Variants in MPHOSPH8 observed in about 807,000 individuals in gnomAD.
MPHOSPH8 encodes M-phase phosphoprotein 8, also known as M-phase phosphoprotein, mpp.
Under a neutral mutation model 87.3 loss-of-function variants are expected in MPHOSPH8, and 45 were observed. That is an observed-to-expected ratio of 0.52 (90% CI 0.41 to 0.66). The LOEUF is 0.66. MPHOSPH8 is among the 30% of genes least tolerant of loss of function. The pLI is 0.00. For synonymous variants in MPHOSPH8, 366 were observed against 376.9 expected (o/e 0.97, Z 0.33); for missense variants, 883 against 1,020.2 (o/e 0.87, Z 1.83).
intron 10 of MPHOSPH8, 106 bp downstream of exon 10, chr13:19,666,685 C>G: frequency 1.0e-6 from 1 of 969,338 alleles, no homozygotes; most frequent in African/African-American, 1.6e-5. Flanking sequence ...AGAAAAACAT[C>G]CAGCACAAGT....
intron 1 of MPHOSPH8, among the ~76,000 whole-genome samples, chr13:19,638,599 ACT>A (rs1256058555): frequency 2.0e-5 from 3 of 148,922 alleles, no homozygotes; most frequent in Non-Finnish European, 3.0e-5. Flanking sequence ...ACAGAGCAAG[ACT>A]CTGTCTCAAA....
rs146475853 is a variant in MPHOSPH8 at position 19,670,414 on chromosome 13, G to C, written c.2457+51G>C. ...GAAAAGTACATTCTTCTAATCAAAA[G>C]CACAGATGACTTAATTTTAAATTCC... On this transcript the variant is annotated intron_variant, in intron 12 of 13. Transcript: ENST00000361479. 1.8e-3 allele frequency: 2,803 copies of C among 1,560,586 alleles called. 44 individuals carry two copies. In the African/African-American group the frequency reaches 0.033, roughly 18 times the overall value.
rs78034565 is a variant in MPHOSPH8 at position 19,670,937 on chromosome 13, A to C, written c.2458-269A>C. ...CAGGCACAAGCAATCCTCCCACCTC[A>C]GCCTCCTAACTACCTGGGACTAAAA... is the stretch of plus-strand genomic sequence containing the variant. On this transcript the variant is annotated intron_variant, in intron 12 of 13. Coordinates refer to ENST00000361479, the MANE Select transcript of MPHOSPH8 (RefSeq NM_017520.4). 3,717 of 974,710 alleles carry C rather than the reference A, an allele frequency of 3.8e-3. 143 individuals are homozygous for C. The East Asian group carries it at 0.086, about 23-fold the overall frequency. The allele number at this position is 974,710 out of a possible 1,614,324, so 60.4% of individuals were successfully genotyped here. A position where few individuals can be genotyped will look rare whatever the true frequency, so the allele number is the denominator to read the frequency against.
chr13:19,673,426 A>G lies in MPHOSPH8; in HGVS notation c.*1551A>G, dbSNP rs1876270539. 2 of 240,060 alleles carry G rather than the reference A, an allele frequency of 8.3e-6. No individual in the cohort carries two copies. The highest frequency in any genetic ancestry group is 1.0e-4 in the Admixed American group (2 of 19,818). 14.9% of individuals were successfully genotyped at this position (240,060 alleles called of 1,614,324 possible). ...TGCCTTTTCCTATGGTTTTGTCAAT[A>G]AAACACTATGATGTTGGTCTGTTTC... On this transcript the variant is annotated 3_prime_UTR_variant, in exon 14 of 14. Transcript: ENST00000361479.
chr13:19,671,373 A>G (rs745905518), intron 13 of MPHOSPH8, 84 bp downstream of exon 13: 91 of 1,271,542 alleles, frequency 7.2e-5, no homozygotes, highest in Middle Eastern at 5.6e-4. Context: ...AAAAATTCCA[A>G]GAATCCTGGT....
rs150607048 is a variant in MPHOSPH8, at chr13:19,673,185, T to C, written c.*1310T>C. 2.2e-6 allele frequency: 1 copy of C among 448,250 alleles called. No individual in the cohort carries two copies. The highest frequency in any genetic ancestry group is 4.4e-6 in the Non-Finnish European group (1 of 224,932). 27.8% of individuals were successfully genotyped at this position (448,250 alleles called of 1,614,324 possible). A position where few individuals can be genotyped will look rare whatever the true frequency, so the allele number is the denominator to read the frequency against. On this transcript the variant is annotated 3_prime_UTR_variant, in exon 14 of 14. Transcript: ENST00000361479. ...GGCTTAGGTAACAGCCAAACCTGGC[T>C]GTCAGCTGTGTGGGAGCCACCACCC...
Position 19,661,846 on chromosome 13 carries a change from G to T in MPHOSPH8, c.1932+8G>T. On this transcript the variant is annotated splice_region_variant and intron_variant, in intron 8 of 13. Coordinates refer to ENST00000361479, the MANE Select transcript of MPHOSPH8 (RefSeq NM_017520.4). ...ATTCATGCTGCAGAGAAGGTTTGTG[G>T]CTTCTTATGCATCAGTTTCAGAGCT... The T allele has an allele frequency of 6.3e-7, 1 of 1,599,712 alleles. No individual in the cohort carries two copies. Among genetic ancestry groups the T allele is most frequent in the African/African-American group, 1.3e-5 (1 of 74,410 alleles).
At chr13:19,649,974 T>C (rs779880283) in intron 4 of MPHOSPH8, 29 bp from the exon 5 acceptor site, 1 of 1,510,368 alleles carries the variant, frequency 6.6e-7, no homozygotes, top group Non-Finnish European at 8.9e-7. Flanking sequence ...TGACTCATAC[T>C]TAACCATCTA....
Position 19,633,673 on chromosome 13 carries a change from C to T in MPHOSPH8, c.-76C>T, listed in dbSNP as rs1873821298. On this transcript the variant is annotated 5_prime_UTR_variant, in exon 1 of 14. Coordinates refer to ENST00000361479, the MANE Select transcript of MPHOSPH8 (RefSeq NM_017520.4). Reference sequence around the variant, plus strand: ...GTTACGCCGCTGATGTGGAGTAGGGCCGAGCGCGGAACGCGAGGGGCTGCT... The same window carrying T: ...GTTACGCCGCTGATGTGGAGTAGGGTCGAGCGCGGAACGCGAGGGGCTGCT... The T allele has an allele frequency of 6.7e-7, 1 of 1,491,512 alleles. No individual in the cohort carries two copies. Among genetic ancestry groups the T allele is most frequent in the Non-Finnish European group, 9.1e-7 (1 of 1,094,580 alleles). 92.4% of individuals were successfully genotyped at this position (1,491,512 alleles called of 1,614,324 possible).
rs556323134 is a variant in MPHOSPH8 at position 19,641,771 on chromosome 13, C to T, written c.214-344C>T. Among the ~76,000 whole-genome samples the T allele has an allele frequency of 1.1e-4, 17 of 152,034 alleles. No individual in the cohort carries two copies. In the South Asian group the frequency reaches 2.9e-3, roughly 26 times the overall value. On this transcript the variant is annotated intron_variant, in intron 1 of 13. Transcript: ENST00000361479. Reference sequence around the variant, plus strand: ...TCGGCCTCCCAAAATGCTGGGATTACGGGCATGAGCCACTGCGCCTGGCCC... The same window carrying T: ...TCGGCCTCCCAAAATGCTGGGATTATGGGCATGAGCCACTGCGCCTGGCCC...
In MPHOSPH8 at chr13:19,672,062, C is replaced by T. The variant is rs765778163; in HGVS notation, c.*187C>T. ...TGTCTGTGCCAGTATGCCGGAATCT[C>T]AGTGCAGTGTCCAGACTGCGTATTT... On this transcript the variant is annotated 3_prime_UTR_variant, in exon 14 of 14. Transcript: ENST00000361479. 29 of 614,800 alleles carry T rather than the reference C, an allele frequency of 4.7e-5. No homozygotes were observed. In the Middle Eastern group the frequency reaches 1.3e-3, roughly 28 times the overall value. The allele number at this position is 614,800 out of a possible 1,614,324, so 38.1% of individuals were successfully genotyped here. A position where few individuals can be genotyped will look rare whatever the true frequency, so the allele number is the denominator to read the frequency against.
chr13:19,646,753 TAAAG>T lies in MPHOSPH8; in HGVS notation c.685_688del (p.Lys229LeufsTer6), dbSNP rs1367812976. On this transcript the variant is annotated frameshift_variant, in exon 3 of 14. Coordinates refer to ENST00000361479, the MANE Select transcript of MPHOSPH8 (RefSeq NM_017520.4). LOFTEE classifies it high-confidence loss of function. ...GATGAAGTAAAAGAAACAAAAGAAT[TAAAG>T]AAAGTTAAAAAGGGTGAAATAAGAG... The T allele has an allele frequency of 4.4e-6, 7 of 1,580,314 alleles. No individual in the cohort carries two copies. The highest frequency in any genetic ancestry group is 5.1e-6 in the Non-Finnish European group (6 of 1,166,782).
At position 19,671,194 on chromosome 13, in the gene MPHOSPH8, T is replaced by C; in HGVS notation, c.2458-12T>C. On this transcript the variant is annotated splice_polypyrimidine_tract_variant and intron_variant, in intron 12 of 13. Transcript: ENST00000361479. Reference sequence around the variant, plus strand: ...TGAAAACACTGACTTTTTTTTTCTCTTTCCATTGTAGGACAGTCATTTTGT... The same window carrying C: ...TGAAAACACTGACTTTTTTTTTCTCCTTCCATTGTAGGACAGTCATTTTGT... 1 of 1,611,898 alleles carries C rather than the reference T, an allele frequency of 6.2e-7. No individual in the cohort carries two copies. The highest frequency in any genetic ancestry group is 8.5e-7 in the Non-Finnish European group (1 of 1,179,616).
chr13:19,650,786 A>G (rs1350131288), intron 5 of MPHOSPH8, among the ~76,000 whole-genome samples: 1 of 152,250 alleles, frequency 6.6e-6, no homozygotes, highest in Admixed American at 6.5e-5. Context: ...GGTTAGTCTA[A>G]TAAAACTTTG....
intron 13 of MPHOSPH8, 40 bp from the exon 14 acceptor site, chr13:19,671,794 C>G: frequency 1.9e-6 from 3 of 1,598,182 alleles, no homozygotes; most frequent in South Asian, 1.1e-5. Flanking sequence ...AAGGGGAAAT[C>G]TGGATCTGTA....
rs1875939399 is a variant in MPHOSPH8 at position 19,668,458 on chromosome 13, A to C, written c.2256A>C (p.Ala752=). 1 of 1,613,980 alleles carries C rather than the reference A, an allele frequency of 6.2e-7. No homozygotes were observed. Among genetic ancestry groups the C allele is most frequent in the East Asian group, 2.2e-5 (1 of 44,882 alleles). The change falls in exon 11 of 14, where the codon GCA becomes GCC. Residue 752 remains alanine (A), a synonymous_variant. Transcript: ENST00000361479. ...TGCTAGAACCAGTTTTTCCAATCGC[A>C]TGTCATCGACTCTGTGAGGGTCCAG... is the stretch of plus-strand genomic sequence containing the variant. ...LALLEPVFPI[A]CHRLCEGPDF... is the part of the protein sequence containing the mutation.
Position 19,650,184 on chromosome 13 carries a change from G to A in MPHOSPH8, c.1500G>A (p.Thr500=), listed in dbSNP as rs142015699. ...AAAGGAGAAACACCAGAGACGAAACGGATACTTGGGCATACATTGCTGCAG... is the reference window on the plus strand; with the variant it reads ...AAAGGAGAAACACCAGAGACGAAACAGATACTTGGGCATACATTGCTGCAG... ...LKERRNTRDE[T]DTWAYIAAEG... is the part of the protein sequence containing the mutation. The change falls in exon 5 of 14, where the codon ACG becomes ACA. Residue 500 remains threonine, a synonymous_variant. Transcript: ENST00000361479. 22 of 1,613,976 alleles carry A rather than the reference G, an allele frequency of 1.4e-5. No homozygotes were observed. In the African/African-American group the frequency reaches 1.6e-4, roughly 12 times the overall value.
intron 9 of MPHOSPH8, among the ~76,000 whole-genome samples, chr13:19,664,634 C>T (rs1310429879): frequency 2.6e-5 from 4 of 152,104 alleles, no homozygotes; most frequent in Admixed American, 2.0e-4. Context: ...GTCTGTACCT[C>T]GGGAGTGGCA....
Position 19,633,808 on chromosome 13 carries a change from C to A in MPHOSPH8, c.60C>A (p.Ser20Arg), listed in dbSNP as rs762856981. 4 of 1,609,656 alleles carry A rather than the reference C, an allele frequency of 2.5e-6. No individual in the cohort carries two copies. In the African/African-American group the frequency reaches 5.3e-5, roughly 21 times the overall value. ...CAGTCCCTGTGTCAGCTGCCGACAG[C>A]ACTGAGGAGTTGGCCGAAGTCGAAG... ...VTAVPVSAAD[S>R]TEELAEVEEG... Residue 20 changes from serine to arginine, a missense_variant, in exon 1 of 14, where the codon AGC (serine) becomes AGA (arginine). Physicochemically the swap from Ser to Arg is moderately radical, Grantham distance 110. Transcript: ENST00000361479.
Sources: gnomAD v4.1 joint callset for allele counts (sites outside exome capture counted in the v4.1 genomes callset) on GRCh38, gnomAD v4.1.1 for gene constraint, MANE v1.5 for transcripts, NCBI Gene and HGNC (gene_info 2026-07-23, HGNC 2026-07-21) for gene names.